TNIK: variants seen among roughly 807,000 people sequenced by gnomAD.
TNIK encodes the protein TRAF2 and NCK interacting kinase, also known as TRAF2 and NCK-interacting protein kinase.
In TNIK, 49 loss-of-function variants were observed where a neutral mutation model predicts 191.3. That is an observed-to-expected ratio of 0.26 (90% CI 0.20 to 0.32). TNIK has a LOEUF of 0.32. TNIK is among the 10% of genes least tolerant of loss of function. The probability of loss-of-function intolerance (pLI) is 1.00; values close to 1 mark genes in which losing one functional copy is unlikely to be tolerated. For missense variants in TNIK, 1,155 were observed against 1,702.3 expected, an observed-to-expected ratio of 0.68 and a Z score of 5.66; for synonymous variants, 594 against 600.9, an observed-to-expected ratio of 0.99 and a Z score of 0.17.
intron 12 of TNIK, among the ~76,000 whole-genome samples, chr3:171,145,338 G>A (rs754995700): frequency 1.3e-4 from 19 of 151,908 alleles, no homozygotes; most frequent in East Asian, 1.9e-4. Flanking sequence ...CGCCCGCCTC[G>A]GCCTCCCAAA....
chr3:171,175,823 C>T (rs1735889976), intron 8 of TNIK, among the ~76,000 whole-genome samples: 1 of 152,152 alleles, frequency 6.6e-6, no homozygotes, highest in South Asian at 2.1e-4. Flanking sequence ...AAACACCAGC[C>T]CCAGAGCCCC....
At chr3:171,333,844 A>T (rs1756675157) in intron 2 of TNIK, among the ~76,000 whole-genome samples, 1 of 152,232 alleles carries the variant, frequency 6.6e-6, no homozygotes, top group Non-Finnish European at 1.5e-5. Flanking sequence ...GATACAGCAC[A>T]GGGAGCGCCT....
intron 2 of TNIK, among the ~76,000 whole-genome samples, chr3:171,289,401 G>A (rs1471226501): frequency 4.6e-5 from 7 of 152,246 alleles, no homozygotes; most frequent in African/African-American, 1.7e-4. Context: ...AGTTAAAAAT[G>A]TTCAGTCTCC....
chr3:171,077,460 T>C (rs1466148232), intron 28 of TNIK, among the ~76,000 whole-genome samples: 2 of 152,176 alleles, frequency 1.3e-5, no homozygotes, highest in Non-Finnish European at 2.9e-5. Context: ...CCCTCCCCAA[T>C]GTGGGTGGGC....
At chr3:171,397,727 G>A (rs967612250) in intron 1 of TNIK, among the ~76,000 whole-genome samples, 4 of 152,170 alleles carry the variant, frequency 2.6e-5, no homozygotes, top group South Asian at 2.1e-4. Flanking sequence ...ACAGAGGCTT[G>A]TATATTATAA....
chr3:171,209,062 G>GA (rs1740461005), intron 4 of TNIK, among the ~76,000 whole-genome samples: 1 of 62,170 alleles, frequency 1.6e-5, no homozygotes, highest in Non-Finnish European at 3.1e-5. Context: ...TGCTTTGGAA[G>GA]GGGTGTGTGT....
At chr3:171,146,719 G>T (rs1188104687) in intron 12 of TNIK, among the ~76,000 whole-genome samples, 2 of 151,976 alleles carry the variant, frequency 1.3e-5, no homozygotes, top group Non-Finnish European at 2.9e-5. Context: ...GTGAAAACCC[G>T]TCTCTACTAA....
Position 171,207,625 on chromosome 3 carries a change from A to G in TNIK, c.306+3491T>C, listed in dbSNP as rs1740264344. On this transcript the variant is annotated intron_variant, in intron 4 of 32. Coordinates refer to ENST00000436636, the MANE Select transcript of TNIK (RefSeq NM_015028.4). ...CAAGGGGGACTTCCAGGGTGCTGAT[A>G]ATGAGCTGGAGGATAATAGCTATCA... Among the ~76,000 whole-genome samples the G allele has an allele frequency of 2.0e-5, 3 of 152,290 alleles. No individual in the cohort carries two copies. The South Asian group carries it at 6.2e-4, about 32-fold the overall frequency.
At chr3:171,249,388 A>G (rs916058586) in intron 2 of TNIK, among the ~76,000 whole-genome samples, 12 of 152,162 alleles carry the variant, frequency 7.9e-5, no homozygotes, top group Non-Finnish European at 1.6e-4. Context: ...TGGAGTTGTC[A>G]TTTTCTTTGA....
At chr3:171,374,288 T>C (rs1716929134) in intron 1 of TNIK, among the ~76,000 whole-genome samples, 1 of 152,176 alleles carries the variant, frequency 6.6e-6, no homozygotes, top group Admixed American at 6.5e-5. Context: ...TATTCCCAGC[T>C]TAAAAAAATA....
At chr3:171,394,157 C>G (rs189531723) in intron 1 of TNIK, among the ~76,000 whole-genome samples, 1 of 152,096 alleles carries the variant, frequency 6.6e-6, no homozygotes, top group Non-Finnish European at 1.5e-5. Flanking sequence ...GTCCTGTGAC[C>G]CTTCCCCCTG....
At chr3:171,124,736 T>C (rs1425534792) in intron 17 of TNIK, among the ~76,000 whole-genome samples, 1 of 152,308 alleles carries the variant, frequency 6.6e-6, no homozygotes, top group East Asian at 1.9e-4. Context: ...TAAATGTACA[T>C]AGTTGTAGAG....
At position 171,333,278 on chromosome 3, in the gene TNIK, G is replaced by A. The variant is rs547025084; in HGVS notation, c.123+36342C>T. 1.3e-3 allele frequency among the ~76,000 whole-genome samples: 205 copies of A among 152,038 alleles called. 1 individual carries two copies. The highest frequency in any genetic ancestry group is 4.5e-3 in the African/African-American group (188 of 41,458). ...AGAATCTAAGATCTGACAACAGGCC[G>A]GGCGCAGTGGTTCACACCTATAATC... On this transcript the variant is annotated intron_variant, in intron 2 of 32. Transcript: ENST00000436636.
chr3:171,120,553 T>G (rs548703997), intron 18 of TNIK, among the ~76,000 whole-genome samples: 2 of 152,262 alleles, frequency 1.3e-5, no homozygotes, highest in African/African-American at 4.8e-5. Context: ...TCTCCTGACC[T>G]CGTGATCCAC....
chr3:171,247,756 G>A (rs542988312), intron 2 of TNIK, among the ~76,000 whole-genome samples: 2 of 152,304 alleles, frequency 1.3e-5, no homozygotes, highest in South Asian at 4.1e-4. Flanking sequence ...GGAGGGTATG[G>A]TCAGAGCCAG....
intron 18 of TNIK, among the ~76,000 whole-genome samples, chr3:171,111,463 A>G (rs906463169): frequency 1.3e-5 from 2 of 148,202 alleles, no homozygotes; most frequent in Non-Finnish European, 1.5e-5. Context: ...ACAATGAGAT[A>G]TGACCTCATA....
At chr3:171,238,369 G>T (rs1320787392) in intron 2 of TNIK, among the ~76,000 whole-genome samples, 1 of 150,806 alleles carries the variant, frequency 6.6e-6, no homozygotes, top group African/African-American at 2.4e-5. Context: ...ATACTACATT[G>T]TAAATATATA....
intron 2 of TNIK, among the ~76,000 whole-genome samples, chr3:171,289,450 T>C (rs1477251114): frequency 6.6e-6 from 1 of 152,208 alleles, no homozygotes; most frequent in Non-Finnish European, 1.5e-5. Context: ...TGCCATGACA[T>C]TCCAGAGATG....
chr3:171,060,413 T>G lies in TNIK; in HGVS notation c.*3468A>C, dbSNP rs993741900. ...TAAGGTGTTTTTAAAAAACATGTAC[T>G]TGATGCAAAGTATATTAGGAGTGCA... On this transcript the variant is annotated 3_prime_UTR_variant, in exon 33 of 33. Transcript: ENST00000436636. 6.6e-6 allele frequency among the ~76,000 whole-genome samples: 1 copy of G among 152,150 alleles called. No homozygotes were observed. The highest frequency in any genetic ancestry group is 1.9e-4 in the East Asian group (1 of 5,198).
Sources: gnomAD v4.1 joint callset for allele counts (sites outside exome capture counted in the v4.1 genomes callset) on GRCh38, gnomAD v4.1.1 for gene constraint, MANE v1.5 for transcripts, NCBI Gene and HGNC (gene_info 2026-07-23, HGNC 2026-07-21) for gene names.